The following TRPC7 variants were observed in gnomAD, a reference collection of about 807,000 sequenced individuals.
TRPC7 encodes short transient receptor potential channel 7.
Under a neutral mutation model 90.1 loss-of-function variants are expected in TRPC7, and 42 were observed. The observed-to-expected ratio is 0.47, with a 90% CI of 0.36 to 0.60. The LOEUF (loss-of-function observed/expected upper bound fraction) is 0.60, where lower values mean the gene tolerates loss of function less well. Among genes scored for constraint, TRPC7 ranks in the 20% least tolerant of loss-of-function variants. TRPC7 has a pLI of 0.00. For synonymous variants in TRPC7, 451 were observed against 436.3 expected, an observed-to-expected ratio of 1.03 and a Z score of -0.42; for missense variants, 955 against 1,112.3, an observed-to-expected ratio of 0.86 and a Z score of 2.01.
chr5:136,329,067 T>G (rs1759423137), intron 2 of TRPC7, among the ~76,000 whole-genome samples: 2 of 152,230 alleles, frequency 1.3e-5, no homozygotes, highest in Admixed American at 6.5e-5. Flanking sequence ...TCTCCAATCT[T>G]GTTTTTTGTT....
At chr5:136,313,863 C>A (rs1758922094) in intron 3 of TRPC7, among the ~76,000 whole-genome samples, 1 of 152,170 alleles carries the variant, frequency 6.6e-6, no homozygotes, top group Non-Finnish European at 1.5e-5. Flanking sequence ...CTGATCCAAA[C>A]TATCATGTTC....
chr5:136,292,707 C>A (rs975818493), intron 3 of TRPC7, among the ~76,000 whole-genome samples: 7 of 152,114 alleles, frequency 4.6e-5, no homozygotes, highest in African/African-American at 1.2e-4. Context: ...CCGAATTCTA[C>A]CAGAGGTACA....
At chr5:136,283,374 T>A (rs1477739219) in intron 3 of TRPC7, among the ~76,000 whole-genome samples, 1 of 152,218 alleles carries the variant, frequency 6.6e-6, no homozygotes, top group Non-Finnish European at 1.5e-5. Flanking sequence ...TCTCTTCTCA[T>A]GCCCATCTTT....
At chr5:136,217,252 A>C (rs1466133397) in intron 10 of TRPC7, among the ~76,000 whole-genome samples, 1 of 152,248 alleles carries the variant, frequency 6.6e-6, no homozygotes, top group Non-Finnish European at 1.5e-5. Flanking sequence ...TTCCAGTTTG[A>C]AGAGACCTGT....
intron 2 of TRPC7, among the ~76,000 whole-genome samples, chr5:136,348,040 G>A (rs1760066407): frequency 6.6e-6 from 1 of 152,228 alleles, no homozygotes; most frequent in South Asian, 2.1e-4. Flanking sequence ...CTTCCTGGGA[G>A]GGTCTCTTCT....
chr5:136,281,338 T>G (rs953080535), intron 3 of TRPC7, among the ~76,000 whole-genome samples: 1 of 152,252 alleles, frequency 6.6e-6, no homozygotes, highest in Non-Finnish European at 1.5e-5. Flanking sequence ...CTCAAGTGCC[T>G]GATCACTTCT....
At position 136,213,639 on chromosome 5, in the gene TRPC7, T is replaced by A. The variant is rs751419745; in HGVS notation, c.2420-35A>T. On this transcript the variant is annotated intron_variant, in intron 11 of 11. Coordinates refer to ENST00000513104, the MANE Select transcript of TRPC7 (RefSeq NM_020389.3). ...CAGAGGAGATTTTGCTGAGTCTGAG[T>A]AGGTGGAAGCTCGGGGCTTGTCCCA... The A allele has an allele frequency of 1.9e-6, 3 of 1,610,482 alleles. No individual in the cohort carries two copies. In the African/African-American group the frequency reaches 4.0e-5, roughly 22 times the overall value.
At chr5:136,345,293 C>T (rs576776903) in intron 2 of TRPC7, among the ~76,000 whole-genome samples, 26 of 152,268 alleles carry the variant, frequency 1.7e-4, no homozygotes, top group East Asian at 1.9e-4. Flanking sequence ...CGGTGGCTCA[C>T]GCCTGTAATC....
At chr5:136,238,906 T>C (rs1277788723) in intron 7 of TRPC7, among the ~76,000 whole-genome samples, 2 of 152,212 alleles carry the variant, frequency 1.3e-5, no homozygotes, top group Non-Finnish European at 2.9e-5. Flanking sequence ...AAAAGATCTA[T>C]ATTTTTATCA....
At chr5:136,330,994 C>T (rs893335777) in intron 2 of TRPC7, among the ~76,000 whole-genome samples, 4 of 152,096 alleles carry the variant, frequency 2.6e-5, no homozygotes, top group Admixed American at 6.5e-5. Context: ...TTTATGGAGT[C>T]CCCCCGCCAG....
chr5:136,314,535 A>C (rs1246292161), intron 3 of TRPC7, among the ~76,000 whole-genome samples: 2 of 152,194 alleles, frequency 1.3e-5, no homozygotes, highest in African/African-American at 4.8e-5. Flanking sequence ...GTCTTAGGCA[A>C]AGTTGTTTTT....
intron 4 of TRPC7, among the ~76,000 whole-genome samples, chr5:136,274,284 G>C (rs775044449): frequency 1.9e-4 from 29 of 152,198 alleles, no homozygotes; most frequent in Non-Finnish European, 3.7e-4. Context: ...AAAGGGCTTA[G>C]AGAAGAGAAA....
At chr5:136,220,637 G>A (rs1438367432) in intron 10 of TRPC7, among the ~76,000 whole-genome samples, 1 of 152,184 alleles carries the variant, frequency 6.6e-6, no homozygotes, top group African/African-American at 2.4e-5. Flanking sequence ...CTTATCAGGA[G>A]TTTTTGATTT....
intron 2 of TRPC7, among the ~76,000 whole-genome samples, chr5:136,338,948 A>G (rs1182466244): frequency 3.3e-5 from 5 of 152,240 alleles, no homozygotes; most frequent in African/African-American, 1.2e-4. Context: ...AACTGAATGT[A>G]GATTTTGACT....
chr5:136,287,907 G>T (rs1301363799), intron 3 of TRPC7, among the ~76,000 whole-genome samples: 1 of 151,908 alleles, frequency 6.6e-6, no homozygotes, highest in South Asian at 2.1e-4. Context: ...AGAAAAAGGT[G>T]CCCCCAGAAT....
intron 3 of TRPC7, among the ~76,000 whole-genome samples, chr5:136,304,960 C>T (rs1043128621): frequency 2.0e-5 from 3 of 152,246 alleles, no homozygotes; most frequent in African/African-American, 7.2e-5. Flanking sequence ...CTGCGTACAG[C>T]AGCTGCCGCT....
chr5:136,354,567 CT>C (rs1157119631), intron 2 of TRPC7, among the ~76,000 whole-genome samples: 1 of 152,226 alleles, frequency 6.6e-6, no homozygotes, highest in Non-Finnish European at 1.5e-5. Context: ...AATTTTCTCT[CT>C]CTTCAGTCCC....
intron 5 of TRPC7, among the ~76,000 whole-genome samples, chr5:136,264,557 A>C (rs1356100025): frequency 1.3e-5 from 2 of 152,024 alleles, no homozygotes; most frequent in African/African-American, 4.8e-5. Context: ...TGACTGTACT[A>C]AATGAGCCTT....
intron 7 of TRPC7, among the ~76,000 whole-genome samples, chr5:136,243,035 A>G (rs1190219768): frequency 1.3e-5 from 2 of 152,172 alleles, no homozygotes; most frequent in Non-Finnish European, 2.9e-5. Flanking sequence ...TTAGAACTGG[A>G]AGACACTGGG....
Sources: gnomAD v4.1 joint callset for allele counts (sites outside exome capture counted in the v4.1 genomes callset) on GRCh38, gnomAD v4.1.1 for gene constraint, MANE v1.5 for transcripts, NCBI Gene and HGNC (gene_info 2026-07-23, HGNC 2026-07-21) for gene names.